The following GFPT1 variants were observed in gnomAD, a reference collection of about 807,000 sequenced individuals.
GFPT1 encodes glutamine--fructose-6-phosphate transaminase 1.
Under a neutral mutation model 92.0 loss-of-function variants are expected in GFPT1, and 40 were observed. That is an observed-to-expected ratio of 0.43 (90% confidence interval 0.34 to 0.57). The LOEUF is 0.57. Among genes scored for constraint, GFPT1 ranks in the 20% least tolerant of loss-of-function variants. The pLI is 0.02. For synonymous variants in GFPT1, 269 were observed against 280.6 expected (o/e 0.96, Z 0.41); for missense variants, 448 against 869.1 (o/e 0.52, Z 6.09).
intron 13 of GFPT1, among the ~76,000 whole-genome samples, chr2:69,340,839 A>C (rs1574053356): frequency 6.6e-6 from 1 of 152,222 alleles, no homozygotes; most frequent in African/African-American, 2.4e-5. Context: ...TTCTGCCCCC[A>C]AATTGTCTTA....
chr2:69,377,064 C>T (rs1488981736), intron 1 of GFPT1, among the ~76,000 whole-genome samples: 1 of 151,690 alleles, frequency 6.6e-6, no homozygotes, highest in Non-Finnish European at 1.5e-5. Context: ...CAAAATTAGC[C>T]AGGCATGATG....
chr2:69,363,733 T>C (rs892633493), intron 3 of GFPT1, 63 bp from the exon 4 acceptor site: 6 of 1,100,356 alleles, frequency 5.5e-6, no homozygotes, highest in Non-Finnish European at 6.9e-6. Context: ...TGCTATAAGC[T>C]ATATTTAAAT....
intron 2 of GFPT1, chr2:69,371,309 C>T (rs935250772): frequency 6.6e-6 from 1 of 150,564 alleles, no homozygotes; most frequent in Non-Finnish European, 1.5e-5. Flanking sequence ...GAACTCCTTA[C>T]CTCAAGTGAT....
rs1357201619 is a variant in GFPT1, at chr2:69,344,453, G to A, written c.1105+1451C>T. 3.3e-5 allele frequency among the ~76,000 whole-genome samples: 5 copies of A among 152,122 alleles called. 1 individual carries two copies. Among genetic ancestry groups the A allele is most frequent in the Non-Finnish European group, 7.4e-5 (5 of 68,022 alleles). On this transcript the variant is annotated intron_variant, in intron 12 of 19. Coordinates refer to ENST00000357308, the MANE Select transcript of GFPT1 (RefSeq NM_001244710.2). ...CATCACTACAGGCAAAAGAAAGAATGCCTGATGGACAGGGGAGGGGATGGA... is the reference window on the plus strand; with the variant it reads ...CATCACTACAGGCAAAAGAAAGAATACCTGATGGACAGGGGAGGGGATGGA...
chr2:69,376,210 A>G (rs1269658945), intron 1 of GFPT1, among the ~76,000 whole-genome samples: 2 of 152,250 alleles, frequency 1.3e-5, no homozygotes, highest in African/African-American at 4.8e-5. Context: ...TTCTAAAACA[A>G]TACTTTAATA....
chr2:69,346,448 C>A (rs550336345), intron 11 of GFPT1, among the ~76,000 whole-genome samples: 8 of 152,218 alleles, frequency 5.3e-5, no homozygotes, highest in Admixed American at 2.6e-4. Flanking sequence ...CCATACTGAC[C>A]AGGCTGGTCT....
intron 5 of GFPT1, 76 bp from the exon 6 acceptor site, chr2:69,358,539 C>T (rs554111629): frequency 1.5e-4 from 144 of 982,728 alleles, no homozygotes; most frequent in Non-Finnish European, 1.9e-4. Flanking sequence ...AGAATTGTTC[C>T]GTCAAAATGC....
intron 15 of GFPT1, among the ~76,000 whole-genome samples, chr2:69,332,182 A>C (rs1459930358): frequency 1.3e-5 from 2 of 152,106 alleles, no homozygotes; most frequent in Non-Finnish European, 2.9e-5. Flanking sequence ...TCCATTTAAA[A>C]ATATGGCATT....
Position 69,329,367 on chromosome 2 carries a change from A to T in GFPT1, c.1655T>A (p.Leu552His). ...TATCAGAACTGACTTCTGATGATAA[A>T]GTTCTGTTGCTAGTTTCTGAATTTC... ...DDEIQKLATE[L>H]YHQKSVLIMG... The change falls in exon 17 of 20, where the codon CTT becomes CAT. Residue 552 changes from leucine (L) to histidine (H), a missense_variant. Leu to His is a moderately conservative substitution (Grantham distance 99). This residue lies in a region of GFPT1 where 73 missense variants were observed against 103.5 expected (regional missense o/e 0.71). Transcript: ENST00000357308. 6.2e-7 allele frequency: 1 copy of T among 1,612,006 alleles called. No individual in the cohort carries two copies. Among genetic ancestry groups the T allele is most frequent in the Non-Finnish European group, 8.5e-7 (1 of 1,178,092 alleles).
chr2:69,337,584 G>A (rs993808645), intron 15 of GFPT1, among the ~76,000 whole-genome samples: 1 of 152,186 alleles, frequency 6.6e-6, no homozygotes, highest in African/African-American at 2.4e-5. Context: ...GTGCCTAGCA[G>A]GAGGGCAGTA....
intron 9 of GFPT1, 124 bp from the exon 10 acceptor site, chr2:69,350,307 T>A: frequency 1.4e-6 from 1 of 714,266 alleles, no homozygotes; most frequent in Non-Finnish European, 2.4e-6. Context: ...TTAGCAAATT[T>A]AAAAAGCCAA....
At chr2:69,380,511 A>C (rs758795633) in intron 1 of GFPT1, among the ~76,000 whole-genome samples, 1 of 152,180 alleles carries the variant, frequency 6.6e-6, no homozygotes, top group African/African-American at 2.4e-5. Context: ...CGTCTCTTGC[A>C]CATTTAACAT....
At chr2:69,367,512 C>T (rs1671639831) in intron 3 of GFPT1, among the ~76,000 whole-genome samples, 1 of 152,124 alleles carries the variant, frequency 6.6e-6, no homozygotes. Context: ...AGGTGCACGC[C>T]GCCACACCCG....
Position 69,387,148 on chromosome 2 carries a change from G to A in GFPT1, c.-77C>T, listed in dbSNP as rs1030391610. On this transcript the variant is annotated 5_prime_UTR_variant, in exon 1 of 20. Coordinates refer to ENST00000357308, the MANE Select transcript of GFPT1 (RefSeq NM_001244710.2). ...GGGGTGCACACACGAGCTTCGGTGG[G>A]CAATCTGCGGGCTCGGGGGCCGGGG... 1.4e-6 allele frequency: 2 copies of A among 1,466,018 alleles called. No individual in the cohort carries two copies. The highest frequency in any genetic ancestry group is 2.3e-5 in the Admixed American group (1 of 43,994). 90.8% of individuals were successfully genotyped at this position (1,466,018 alleles called of 1,614,324 possible). A position where few individuals can be genotyped will look rare whatever the true frequency, so the allele number is the denominator to read the frequency against.
chr2:69,341,922 C>T (rs891447607), intron 13 of GFPT1, among the ~76,000 whole-genome samples: 3 of 152,136 alleles, frequency 2.0e-5, no homozygotes, highest in Non-Finnish European at 4.4e-5. Flanking sequence ...TCATGAAGTC[C>T]GTTGCAGGAG....
chr2:69,349,632 C>G (rs1671160853), intron 10 of GFPT1, among the ~76,000 whole-genome samples: 1 of 152,146 alleles, frequency 6.6e-6, no homozygotes, highest in Non-Finnish European at 1.5e-5. Context: ...ACTACTATCC[C>G]TTTATAAAAA....
intron 9 of GFPT1, among the ~76,000 whole-genome samples, chr2:69,352,225 T>C: frequency 6.6e-6 from 1 of 152,050 alleles, no homozygotes; most frequent in South Asian, 2.1e-4. Context: ...ATTGTGCCAT[T>C]GCACTCCAGC....
intron 16 of GFPT1, 73 bp downstream of exon 16, chr2:69,329,611 C>T (rs1670611852): frequency 9.2e-7 from 1 of 1,086,618 alleles, no homozygotes; most frequent in Non-Finnish European, 1.4e-6. Context: ...GCCACAGCTT[C>T]AAGGATAAGA....
Position 69,345,895 on chromosome 2 carries a change from T to A in GFPT1, c.1105+9A>T. ...CACTGAAATAATAAAATAATTCATA[T>A]GTAATTACCAGTATAGTCATCAAAG... is the stretch of plus-strand genomic sequence containing the variant. On this transcript the variant is annotated intron_variant, in intron 12 of 19. Transcript: ENST00000357308. 1 of 1,340,070 alleles carries A rather than the reference T, an allele frequency of 7.5e-7. No individual in the cohort carries two copies. Among genetic ancestry groups the A allele is most frequent in the Non-Finnish European group, 1.1e-6 (1 of 930,340 alleles). The allele number at this position is 1,340,070 out of a possible 1,614,324, so 83.0% of individuals were successfully genotyped here. A position where few individuals can be genotyped will look rare whatever the true frequency, so the allele number is the denominator to read the frequency against.
Sources: allele counts gnomAD v4.1 joint callset (sites outside exome capture counted in the v4.1 genomes callset), GRCh38; gene constraint gnomAD v4.1.1; regional missense constraint gnomAD v4.1.1; transcripts MANE v1.5; gene names NCBI Gene and HGNC (gene_info 2026-07-23, HGNC 2026-07-21).